Variants in AUTS2 observed in about 807,000 individuals in gnomAD.
AUTS2 encodes activator of transcription and developmental regulator AUTS2.
Under a neutral mutation model 112.4 loss-of-function variants are expected in AUTS2, and 17 were observed. The observed-to-expected ratio is 0.15, with a 90% confidence interval of 0.10 to 0.23. The LOEUF (loss-of-function observed/expected upper bound fraction) is 0.23, where lower values mean the gene tolerates loss of function less well. Among genes scored for constraint, AUTS2 ranks in the 10% least tolerant of loss-of-function variants. AUTS2 has a pLI of 1.00. For synonymous variants in AUTS2, 751 were observed against 702.7 expected, an observed-to-expected ratio of 1.07 and a Z score of -1.09; for missense variants, 1,510 against 1,701.6, an observed-to-expected ratio of 0.89 and a Z score of 1.98.
Position 70,791,375 on chromosome 7 carries a change from G to A in AUTS2, c.*379G>A, listed in dbSNP as rs891130617. ...TTCTTTCAGATGAGGTGGGAAGGCC[G>A]TGTACATAGTTATGTAAAAAGAGAT... On this transcript the variant is annotated 3_prime_UTR_variant, in exon 19 of 19. Coordinates refer to ENST00000342771, the MANE Select transcript of AUTS2 (RefSeq NM_015570.4). 1.7e-5 allele frequency: 3 copies of A among 181,254 alleles called. No individual in the cohort carries two copies. The highest frequency in any genetic ancestry group is 4.7e-5 in the African/African-American group (2 of 42,720). The allele number at this position is 181,254 out of a possible 1,614,324, so 11.2% of individuals were successfully genotyped here.
At chr7:70,351,226 T>A (rs886396423) in intron 4 of AUTS2, among the ~76,000 whole-genome samples, 6 of 151,682 alleles carry the variant, frequency 4.0e-5, no homozygotes, top group African/African-American at 1.5e-4. Context: ...AATTTTTGTA[T>A]TTTTTTTAGT....
intron 2 of AUTS2, among the ~76,000 whole-genome samples, chr7:70,063,754 A>T (rs1802364474): frequency 6.6e-6 from 1 of 152,138 alleles, no homozygotes; most frequent in Non-Finnish European, 1.5e-5. Context: ...CCGCGAAAAG[A>T]GCTCAGGATC....
intron 1 of AUTS2, among the ~76,000 whole-genome samples, chr7:69,780,664 A>C (rs756038448): frequency 2.6e-4 from 40 of 152,330 alleles, no homozygotes; most frequent in Non-Finnish European, 4.9e-4. Context: ...CAGGAACCTG[A>C]AAGGATGGTC....
chr7:70,195,570 G>C (rs559847483), intron 4 of AUTS2, among the ~76,000 whole-genome samples: 1 of 152,142 alleles, frequency 6.6e-6, no homozygotes, highest in Non-Finnish European at 1.5e-5. Context: ...AAAATCGCTT[G>C]AACTTGGGAG....
At chr7:70,438,265 C>T (rs748038047) in intron 5 of AUTS2, among the ~76,000 whole-genome samples, 4 of 152,156 alleles carry the variant, frequency 2.6e-5, no homozygotes, top group South Asian at 2.1e-4. Context: ...GTAGCTCCCA[C>T]CTACCACTCT....
chr7:69,923,562 T>G (rs1405377669), intron 2 of AUTS2, among the ~76,000 whole-genome samples: 1 of 152,210 alleles, frequency 6.6e-6, no homozygotes. Flanking sequence ...ATTGACAGTT[T>G]AAAATATTGA....
At chr7:70,093,609 G>C (rs968510752) in intron 2 of AUTS2, among the ~76,000 whole-genome samples, 1 of 152,196 alleles carries the variant, frequency 6.6e-6, no homozygotes, top group African/African-American at 2.4e-5. Context: ...GAGATTATGA[G>C]GAGACACGAA....
At chr7:69,632,472 T>C (rs1007630194) in intron 1 of AUTS2, among the ~76,000 whole-genome samples, 4 of 152,022 alleles carry the variant, frequency 2.6e-5, no homozygotes, top group Admixed American at 6.5e-5. Context: ...ATGAGGTCTA[T>C]CTCTTAGGCT....
At chr7:69,769,609 C>T (rs1788575930) in intron 1 of AUTS2, among the ~76,000 whole-genome samples, 1 of 152,216 alleles carries the variant, frequency 6.6e-6, no homozygotes, top group Admixed American at 6.5e-5. Flanking sequence ...TCTCCCTCCC[C>T]TCCTTTCCTG....
In AUTS2 at chr7:69,991,044, C is replaced by T. The variant is rs527605474; in HGVS notation, c.522+91546C>T. On this transcript the variant is annotated intron_variant, in intron 2 of 18. Transcript: ENST00000342771. ...AAGGCTATGGGGTCTTGTGAAGAGA[C>T]GAGATAGCTTGTATTTAATTCACCT... Among the ~76,000 whole-genome samples the T allele has an allele frequency of 5.7e-4, 87 of 152,052 alleles. 1 individual carries two copies. Among genetic ancestry groups the T allele is most frequent in the African/African-American group, 1.8e-3 (74 of 41,488 alleles).
intron 2 of AUTS2, among the ~76,000 whole-genome samples, chr7:69,962,760 C>G (rs912456197): frequency 5.3e-5 from 8 of 151,744 alleles, no homozygotes; most frequent in African/African-American, 1.9e-4. Flanking sequence ...TGCCTGTGTG[C>G]TTGCTTGGGT....
chr7:70,478,313 A>G (rs934390361), intron 5 of AUTS2, among the ~76,000 whole-genome samples: 9 of 152,126 alleles, frequency 5.9e-5, no homozygotes, highest in African/African-American at 2.2e-4. Context: ...CATCCTTCTA[A>G]TAGAGTCTTC....
chr7:69,665,441 T>C (rs1055302131), intron 1 of AUTS2, among the ~76,000 whole-genome samples: 1 of 152,222 alleles, frequency 6.6e-6, no homozygotes, highest in Non-Finnish European at 1.5e-5. Flanking sequence ...ACACTTGATA[T>C]AAGCTGTCCT....
chr7:70,733,582 A>C (rs1787585867), intron 6 of AUTS2, among the ~76,000 whole-genome samples: 2 of 118,670 alleles, frequency 1.7e-5, no homozygotes, highest in Non-Finnish European at 1.6e-5. Flanking sequence ...ACATTTTTCT[A>C]CGTTAGTTTT....
At chr7:70,390,052 C>CTTA (rs1427420220) in intron 4 of AUTS2, among the ~76,000 whole-genome samples, 1 of 152,148 alleles carries the variant, frequency 6.6e-6, no homozygotes, top group African/African-American at 2.4e-5. Flanking sequence ...TATGTGCTTT[C>CTTA]TTATTGTTTT....
At chr7:70,075,078 C>T (rs140548582) in intron 2 of AUTS2, among the ~76,000 whole-genome samples, 1 of 152,312 alleles carries the variant, frequency 6.6e-6, no homozygotes, top group Non-Finnish European at 1.5e-5. Flanking sequence ...TTGCTCATCT[C>T]TCTCCCAAGG....
intron 4 of AUTS2, among the ~76,000 whole-genome samples, chr7:70,260,722 A>G (rs1787126314): frequency 6.6e-6 from 1 of 151,850 alleles, no homozygotes; most frequent in Admixed American, 6.6e-5. Flanking sequence ...ATGGAACTAT[A>G]TGCTTACACA....
At chr7:70,442,765 G>A (rs773603256) in intron 5 of AUTS2, among the ~76,000 whole-genome samples, 23 of 152,182 alleles carry the variant, frequency 1.5e-4, no homozygotes, top group Non-Finnish European at 2.2e-4. Flanking sequence ...TGGGATGACA[G>A]TCATGAGCCA....
At chr7:69,851,747 G>A (rs1792494115) in intron 1 of AUTS2, among the ~76,000 whole-genome samples, 1 of 152,102 alleles carries the variant, frequency 6.6e-6, no homozygotes, top group African/African-American at 2.4e-5. Flanking sequence ...ATTTTTCTGA[G>A]ACATTATACA....
Sources: allele counts gnomAD v4.1 joint callset (sites outside exome capture counted in the v4.1 genomes callset), GRCh38; gene constraint gnomAD v4.1.1; transcripts MANE v1.5; gene names NCBI Gene and HGNC (gene_info 2026-07-23, HGNC 2026-07-21).